The following SLC25A12 variants were observed in gnomAD, a reference collection of about 807,000 sequenced individuals.
The protein encoded by SLC25A12 is solute carrier family 25 member 12.
In SLC25A12, 32 loss-of-function variants were observed where a neutral mutation model predicts 83.3. That is an observed-to-expected ratio of 0.38 (90% CI 0.29 to 0.52). SLC25A12 has a LOEUF of 0.52. Ranked by LOEUF, SLC25A12 falls within the 20% of genes least tolerant of loss-of-function variation. SLC25A12 has a pLI of 0.84. For synonymous variants in SLC25A12, 267 were observed against 291.1 expected, an observed-to-expected ratio of 0.92 and a Z score of 0.84; for missense variants, 611 against 835.6, an observed-to-expected ratio of 0.73 and a Z score of 3.31.
chr2:171,815,457 A>C (rs1684032271), intron 9 of SLC25A12, among the ~76,000 whole-genome samples: 1 of 152,208 alleles, frequency 6.6e-6, no homozygotes, highest in Non-Finnish European at 1.5e-5. Context: ...CTTCCCACTT[A>C]CCCCAATTTT....
chr2:171,814,823 T>C (rs1053874528), intron 10 of SLC25A12, among the ~76,000 whole-genome samples: 1 of 152,222 alleles, frequency 6.6e-6, no homozygotes, highest in Non-Finnish European at 1.5e-5. Context: ...AAACACAGTC[T>C]CATTTTCCAT....
At chr2:171,800,025 C>T (rs1683677001) in intron 13 of SLC25A12, among the ~76,000 whole-genome samples, 1 of 152,042 alleles carries the variant, frequency 6.6e-6, no homozygotes, top group East Asian at 1.9e-4. Context: ...TTAGAAAGTA[C>T]CTAAAGGTTA....
intron 13 of SLC25A12, among the ~76,000 whole-genome samples, chr2:171,799,048 C>T (rs1359958520): frequency 6.6e-6 from 1 of 152,086 alleles, no homozygotes; most frequent in Non-Finnish European, 1.5e-5. Flanking sequence ...AAGGTACATG[C>T]AAGCACACAG....
intron 4 of SLC25A12, chr2:171,848,319 A>G: frequency 2.1e-6 from 1 of 470,580 alleles, no homozygotes; most frequent in Non-Finnish European, 4.4e-6. Context: ...CAGCCCACCT[A>G]CCATCAGCCC....
intron 9 of SLC25A12, among the ~76,000 whole-genome samples, chr2:171,822,685 C>T (rs1684218281): frequency 6.6e-6 from 1 of 152,184 alleles, no homozygotes; most frequent in Non-Finnish European, 1.5e-5. Flanking sequence ...CTGTGCCTGG[C>T]ATACTGTCCC....
At chr2:171,820,518 G>A (rs1048710594) in intron 9 of SLC25A12, among the ~76,000 whole-genome samples, 3 of 147,936 alleles carry the variant, frequency 2.0e-5, no homozygotes, top group Non-Finnish European at 3.0e-5. Context: ...CACGAGGTCA[G>A]GAGATCGAGA....
chr2:171,873,264 C>A (rs1206639548), intron 2 of SLC25A12, among the ~76,000 whole-genome samples: 1 of 151,984 alleles, frequency 6.6e-6, no homozygotes, highest in Non-Finnish European at 1.5e-5. Context: ...CTGGCTAACA[C>A]GGTGAAACCC....
intron 14 of SLC25A12, among the ~76,000 whole-genome samples, chr2:171,792,986 ATTC>A (rs1683513075): frequency 6.6e-6 from 1 of 152,196 alleles, no homozygotes; most frequent in South Asian, 2.1e-4. Context: ...GGAAAGAAAT[ATTC>A]TTCCTTGTTT....
At chr2:171,837,852 A>G (rs1022514138) in intron 5 of SLC25A12, among the ~76,000 whole-genome samples, 1 of 152,236 alleles carries the variant, frequency 6.6e-6, no homozygotes, top group Non-Finnish European at 1.5e-5. Flanking sequence ...AGGAATAACA[A>G]ACTGCAAAAG....
At chr2:171,795,181 G>A (rs747435172) in intron 13 of SLC25A12, among the ~76,000 whole-genome samples, 9 of 151,986 alleles carry the variant, frequency 5.9e-5, no homozygotes, top group Non-Finnish European at 8.8e-5. Context: ...TTTGTCCTTC[G>A]AGCAGGGAGG....
In SLC25A12 at chr2:171,850,002, C is replaced by T. The variant is rs375387844; in HGVS notation, c.326-5494G>A. ...TATTTTTAGTAAAGACAGGGTTTCA[C>T]CATGTTGCCCAGGCTGGTCTTGAAC... On this transcript the variant is annotated intron_variant, in intron 4 of 17. Coordinates refer to ENST00000422440, the MANE Select transcript of SLC25A12 (RefSeq NM_003705.5). Among the ~76,000 whole-genome samples, 9 of 152,154 alleles carry T rather than the reference C, an allele frequency of 5.9e-5. No individual in the cohort carries two copies. The East Asian group carries it at 1.2e-3, about 20-fold the overall frequency.
chr2:171,860,254 T>C (rs1002810912), intron 3 of SLC25A12, among the ~76,000 whole-genome samples: 7 of 152,204 alleles, frequency 4.6e-5, no homozygotes, highest in Admixed American at 4.6e-4. Flanking sequence ...AGATTTACGT[T>C]TTCTTACTAT....
chr2:171,785,333 A>G lies in SLC25A12; in HGVS notation c.1978T>C (p.Phe660Leu), dbSNP rs1690467646. The G allele has an allele frequency of 1.9e-6, 3 of 1,614,190 alleles. No homozygotes were observed. Among genetic ancestry groups the G allele is most frequent in the Non-Finnish European group, 8.5e-7 (1 of 1,180,034 alleles). ...ACCACAGCAACACTAGGAGACTTAAATTTCGGGAGATAAAGGCCAAATTTG... is the reference window on the plus strand; with the variant it reads ...ACCACAGCAACACTAGGAGACTTAAGTTTCGGGAGATAAAGGCCAAATTTG... Reference protein sequence around the residue: ...ENKFGLYLPKFKSPSVAVVQP... With the variant: ...ENKFGLYLPKLKSPSVAVVQP... Residue 660 changes from phenylalanine (F) to leucine (L), a missense_variant, in exon 18 of 18, where the codon TTT becomes CTT. Phe to Leu is a conservative substitution (Grantham distance 22). This residue lies in a region of SLC25A12 where 37 missense variants were observed against 35.1 expected (regional missense o/e 1.05). Coordinates refer to ENST00000422440, the MANE Select transcript of SLC25A12 (RefSeq NM_003705.5).
chr2:171,882,655 T>C (rs190555323), intron 2 of SLC25A12, among the ~76,000 whole-genome samples: 2 of 152,336 alleles, frequency 1.3e-5, no homozygotes, highest in African/African-American at 2.4e-5. Flanking sequence ...AAGACTGAAA[T>C]AGTACTGACT....
chr2:171,811,156 AG>A lies in SLC25A12; in HGVS notation c.1172-881del, dbSNP rs1221160515. ...TATATCCTTTAAATCATCCAGCCAAAGGGGAGTTATATATGTGTTTGCCTGC... is the reference window on the plus strand; with the variant it reads ...TATATCCTTTAAATCATCCAGCCAAAGGGAGTTATATATGTGTTTGCCTGC... On this transcript the variant is annotated intron_variant, in intron 11 of 17. Transcript: ENST00000422440. Among the ~76,000 whole-genome samples, 26 of 152,288 alleles carry A rather than the reference AG, an allele frequency of 1.7e-4. No homozygotes were observed. In the East Asian group the frequency reaches 4.6e-3, roughly 27 times the overall value.
chr2:171,883,572 T>C (rs1685741869), intron 2 of SLC25A12, among the ~76,000 whole-genome samples: 1 of 152,146 alleles, frequency 6.6e-6, no homozygotes, highest in East Asian at 1.9e-4. Context: ...GGGAGGCCAT[T>C]TACCCCCATA....
At chr2:171,850,337 GTTTTTTTTT>G (rs55922545) in intron 4 of SLC25A12, among the ~76,000 whole-genome samples, 1 of 56,164 alleles carries the variant, frequency 1.8e-5, no homozygotes, top group Non-Finnish European at 3.2e-5. Context: ...GCTGGTCTTT[GTTTTTTTTT>G]TTTTTTTTTT....
chr2:171,869,828 T>G (rs770272635), intron 2 of SLC25A12, among the ~76,000 whole-genome samples: 34 of 152,142 alleles, frequency 2.2e-4, no homozygotes, highest in Non-Finnish European at 4.1e-4. Flanking sequence ...AAAGCGAACA[T>G]CTACACTAGG....
rs569937325 is a variant in SLC25A12 at position 171,857,224 on chromosome 2, A to C, written c.210-1275T>G. Among the ~76,000 whole-genome samples, 8 of 152,156 alleles carry C rather than the reference A, an allele frequency of 5.3e-5. No homozygotes were observed. In the East Asian group the frequency reaches 9.7e-4, roughly 18 times the overall value. ...CTACAAAAAGTAAAAATAAAAAATTAGCTGGGCATGGTGGCACACACCTGT... is the reference window on the plus strand; with the variant it reads ...CTACAAAAAGTAAAAATAAAAAATTCGCTGGGCATGGTGGCACACACCTGT... On this transcript the variant is annotated intron_variant, in intron 3 of 17. Coordinates refer to ENST00000422440, the MANE Select transcript of SLC25A12 (RefSeq NM_003705.5).
Sources: gnomAD v4.1 joint callset for allele counts (sites outside exome capture counted in the v4.1 genomes callset) on GRCh38, gnomAD v4.1.1 for gene constraint, gnomAD v4.1.1 regional missense constraint, MANE v1.5 for transcripts, NCBI Gene and HGNC (gene_info 2026-07-23, HGNC 2026-07-21) for gene names.